The following CDH13 variants were observed in gnomAD, a reference collection of about 807,000 sequenced individuals.
CDH13 encodes the protein cadherin 13, also known as cadherin-13.
A neutral mutation model predicts 63.8 loss-of-function variants in CDH13; 24 were observed. That is an observed-to-expected ratio of 0.38 (90% CI 0.27 to 0.53). The LOEUF (loss-of-function observed/expected upper bound fraction) is 0.53. Among genes scored for constraint, CDH13 ranks in the 20% least tolerant of loss-of-function variants. The pLI, the probability that CDH13 is intolerant of heterozygous loss-of-function variation, is 0.85. For missense variants in CDH13, 1,049 were observed against 903.1 expected (o/e 1.16, Z -2.07); for synonymous variants, 503 against 355.3 (o/e 1.42, Z -4.67).
chr16:83,074,889 C>CA (rs1416534495), intron 3 of CDH13, among the ~76,000 whole-genome samples: 2 of 152,102 alleles, frequency 1.3e-5, no homozygotes. Flanking sequence ...AGACAAACAG[C>CA]AAAAAAGAGA....
At chr16:83,010,326 A>C (rs998899279) in intron 2 of CDH13, among the ~76,000 whole-genome samples, 1 of 151,928 alleles carries the variant, frequency 6.6e-6, no homozygotes, top group Non-Finnish European at 1.5e-5. Flanking sequence ...CACTATTTTC[A>C]ATGATCAGTT....
At chr16:83,125,593 A>T (rs562771271) in intron 4 of CDH13, 92 bp downstream of exon 4, 1 of 688,924 alleles carries the variant, frequency 1.5e-6, no homozygotes, top group South Asian at 1.8e-5. Context: ...GACCAGCTGG[A>T]ATTAGTCTTC....
chr16:82,647,234 C>G (rs1335481210), intron 1 of CDH13, among the ~76,000 whole-genome samples: 1 of 152,104 alleles, frequency 6.6e-6, no homozygotes, highest in Non-Finnish European at 1.5e-5. Context: ...AACACTTGGT[C>G]CAGCAAATAA....
intron 5 of CDH13, among the ~76,000 whole-genome samples, chr16:83,220,839 TGA>T (rs2039679253): frequency 6.6e-6 from 1 of 152,228 alleles, no homozygotes; most frequent in African/African-American, 2.4e-5. Context: ...GGGATTTGTA[TGA>T]TAAGAAATAA....
At chr16:83,119,430 T>C (rs1238029695) in intron 3 of CDH13, among the ~76,000 whole-genome samples, 1 of 152,164 alleles carries the variant, frequency 6.6e-6, no homozygotes, top group Non-Finnish European at 1.5e-5. Flanking sequence ...TCAACAGGTC[T>C]ACTCTAGCAC....
intron 8 of CDH13, among the ~76,000 whole-genome samples, chr16:83,606,133 G>A (rs139889189): frequency 2.6e-5 from 4 of 152,282 alleles, no homozygotes; most frequent in African/African-American, 9.6e-5. Context: ...GAAAATCAAG[G>A]TTTAGTCATT....
At chr16:82,696,341 T>A (rs576450031) in intron 1 of CDH13, among the ~76,000 whole-genome samples, 1 of 152,284 alleles carries the variant, frequency 6.6e-6, no homozygotes, top group African/African-American at 2.4e-5. Context: ...CTAACAAAAA[T>A]TAGAAAAAAC....
At chr16:83,565,700 A>T (rs1253466633) in intron 7 of CDH13, among the ~76,000 whole-genome samples, 2 of 151,362 alleles carry the variant, frequency 1.3e-5, no homozygotes, top group African/African-American at 2.4e-5. Context: ...CTTTTAACTG[A>T]TTTATTCTTT....
At chr16:82,772,200 G>T (rs1038534835) in intron 1 of CDH13, among the ~76,000 whole-genome samples, 1 of 152,100 alleles carries the variant, frequency 6.6e-6, no homozygotes, top group Non-Finnish European at 1.5e-5. Flanking sequence ...TCTACACCAT[G>T]GAAATTGGCC....
intron 4 of CDH13, among the ~76,000 whole-genome samples, chr16:83,185,364 C>T (rs537960819): frequency 6.6e-6 from 1 of 152,074 alleles, no homozygotes; most frequent in East Asian, 1.9e-4. Flanking sequence ...TAATTTCTGG[C>T]AACTAATAAT....
At chr16:83,731,799 T>C (rs954982970) in intron 10 of CDH13, among the ~76,000 whole-genome samples, 4 of 152,200 alleles carry the variant, frequency 2.6e-5, no homozygotes, top group Admixed American at 1.3e-4. Flanking sequence ...TCAGAAAGTA[T>C]CCATTTTCTT....
chr16:83,635,637 C>T (rs970295268), intron 8 of CDH13, among the ~76,000 whole-genome samples: 5 of 152,092 alleles, frequency 3.3e-5, no homozygotes, highest in Admixed American at 1.3e-4. Context: ...CCACCACGCC[C>T]GGCCCCATTT....
intron 5 of CDH13, among the ~76,000 whole-genome samples, chr16:83,314,288 A>C (rs1387537944): frequency 6.6e-6 from 1 of 151,588 alleles, no homozygotes; most frequent in Non-Finnish European, 1.5e-5. Flanking sequence ...CAAAAATGTG[A>C]TTTTTTTTTC....
intron 1 of CDH13, among the ~76,000 whole-genome samples, chr16:82,708,207 C>T (rs1297846196): frequency 6.6e-6 from 1 of 152,188 alleles, no homozygotes; most frequent in Admixed American, 6.5e-5. Context: ...CAAATGTGGT[C>T]ATATGCCACA....
At chr16:83,109,598 G>A (rs1209132683) in intron 3 of CDH13, among the ~76,000 whole-genome samples, 3 of 152,190 alleles carry the variant, frequency 2.0e-5, no homozygotes, top group Non-Finnish European at 4.4e-5. Flanking sequence ...AGCTCAGGCA[G>A]ATGAGGAAAG....
intron 4 of CDH13, among the ~76,000 whole-genome samples, chr16:83,216,441 T>TACACAC (rs1184326880): frequency 9.0e-6 from 1 of 111,224 alleles, no homozygotes; most frequent in African/African-American, 3.2e-5. Context: ...TATATATATA[T>TACACAC]ATACACAACC....
chr16:83,197,393 G>T (rs2038905787), intron 4 of CDH13, among the ~76,000 whole-genome samples: 1 of 151,954 alleles, frequency 6.6e-6, no homozygotes, highest in Admixed American at 6.6e-5. Context: ...TGCAAATAAT[G>T]CAATTATGTG....
At chr16:83,158,208 C>T (rs1466953709) in intron 4 of CDH13, among the ~76,000 whole-genome samples, 2 of 152,096 alleles carry the variant, frequency 1.3e-5, no homozygotes, top group Admixed American at 6.6e-5. Context: ...CTCGCCTTCA[C>T]CTCTCATCTT....
chr16:83,117,212 A>G (rs1385818164), intron 3 of CDH13, among the ~76,000 whole-genome samples: 5 of 152,192 alleles, frequency 3.3e-5, no homozygotes, highest in Non-Finnish European at 7.4e-5. Context: ...GGCCCTCTCC[A>G]TGGCCTACGT....
Sources: allele counts gnomAD v4.1 joint callset (sites outside exome capture counted in the v4.1 genomes callset), GRCh38; gene constraint gnomAD v4.1.1; transcripts MANE v1.5; gene names NCBI Gene and HGNC (gene_info 2026-07-23, HGNC 2026-07-21).